Variants in DPP4 observed in about 807,000 individuals in gnomAD.
DPP4 encodes the protein ADCP-2.
Under a neutral mutation model 122.4 loss-of-function variants are expected in DPP4, and 93 were observed. The observed-to-expected ratio is 0.76, with a 90% CI of 0.64 to 0.90. The LOEUF (loss-of-function observed/expected upper bound fraction) is 0.90. Among genes scored for constraint, DPP4 ranks in the 40% least tolerant of loss-of-function variants. The probability of loss-of-function intolerance (pLI) is 0.00; values close to 1 mark genes in which losing one functional copy is unlikely to be tolerated. For synonymous variants in DPP4, 321 were observed against 302.9 expected, an observed-to-expected ratio of 1.06 and a Z score of -0.62; for missense variants, 914 against 907.3, an observed-to-expected ratio of 1.01 and a Z score of -0.09.
In DPP4 at chr2:162,008,500, T is replaced by C. The variant is rs886990518; in HGVS notation, c.1987+62A>G. On this transcript the variant is annotated intron_variant, in intron 22 of 25. Transcript: ENST00000360534. Reference sequence around the variant, plus strand: ...CACTGAAACTCAGAAAGGAATGGCTTTGTTACTGGCATTTTGAGGTCAACA... The same window carrying C: ...CACTGAAACTCAGAAAGGAATGGCTCTGTTACTGGCATTTTGAGGTCAACA... 14 of 1,384,950 alleles carry C rather than the reference T, an allele frequency of 1.0e-5. No individual in the cohort carries two copies. The East Asian group carries it at 3.2e-4, about 32-fold the overall frequency. 85.8% of individuals were successfully genotyped at this position (1,384,950 alleles called of 1,614,324 possible).
chr2:162,070,417 C>T (rs1685077052), intron 2 of DPP4, among the ~76,000 whole-genome samples: 3 of 152,158 alleles, frequency 2.0e-5, no homozygotes, highest in Admixed American at 6.5e-5. Flanking sequence ...CCTCTTAAAT[C>T]AACCTCTCAG....
chr2:162,023,732 A>G (rs1040852307), intron 11 of DPP4, among the ~76,000 whole-genome samples: 1 of 152,120 alleles, frequency 6.6e-6, no homozygotes, highest in African/African-American at 2.4e-5. Flanking sequence ...TATTATGAGG[A>G]TTTCATTGGC....
intron 2 of DPP4, among the ~76,000 whole-genome samples, chr2:162,051,390 T>C (rs926711745): frequency 6.6e-6 from 1 of 152,246 alleles, no homozygotes; most frequent in African/African-American, 2.4e-5. Context: ...CACTCATTCA[T>C]ACTAAACTTT....
At chr2:162,073,017 C>T (rs1192716455) in intron 2 of DPP4, among the ~76,000 whole-genome samples, 1 of 152,070 alleles carries the variant, frequency 6.6e-6, no homozygotes, top group African/African-American at 2.4e-5. Flanking sequence ...TGTCTTTGGG[C>T]TCTTTAAACA....
At chr2:162,013,295 G>A (rs1267992843) in intron 19 of DPP4, among the ~76,000 whole-genome samples, 1 of 152,136 alleles carries the variant, frequency 6.6e-6, no homozygotes. Context: ...TCAAAAGGAT[G>A]CTTTTTTAGC....
chr2:162,024,666 T>C, intron 11 of DPP4, 138 bp downstream of exon 11: 1 of 1,163,832 alleles, frequency 8.6e-7, no homozygotes, highest in Non-Finnish European at 1.2e-6. Context: ...AAGATTTTAT[T>C]GCCTCAGGAT....
At chr2:162,005,357 C>G (rs78401802) in intron 23 of DPP4, among the ~76,000 whole-genome samples, 1 of 151,916 alleles carries the variant, frequency 6.6e-6, no homozygotes, top group African/African-American at 2.4e-5. Context: ...ATTATAGTCT[C>G]GTATATATAT....
Position 162,039,129 on chromosome 2 carries a change from G to A in DPP4, c.419+3C>T. 1.2e-6 allele frequency: 2 copies of A among 1,612,808 alleles called. No homozygotes were observed. The highest frequency in any genetic ancestry group is 1.7e-6 in the Non-Finnish European group (2 of 1,179,176). ...TAATAGATTTTATTGGGAAGTCACT[G>A]ACCTTTTATTTAAATCATAAATGTC... On this transcript the variant is annotated splice_donor_region_variant and intron_variant, in intron 6 of 25. Coordinates refer to ENST00000360534, the MANE Select transcript of DPP4 (RefSeq NM_001935.4).
chr2:162,031,662 A>AG (rs1177858391), intron 10 of DPP4, among the ~76,000 whole-genome samples: 3 of 151,964 alleles, frequency 2.0e-5, no homozygotes, highest in African/African-American at 7.3e-5. Context: ...CACATTCTCC[A>AG]GGGGGTATTT....
intron 17 of DPP4, 70 bp downstream of exon 17, chr2:162,017,038 C>G (rs1324309604): frequency 2.0e-6 from 3 of 1,528,904 alleles, no homozygotes; most frequent in Non-Finnish European, 1.8e-6. Flanking sequence ...TCACACAATG[C>G]TAAGTACATG....
At chr2:161,993,409 A>T in intron 25 of DPP4, 25 bp from the exon 26 acceptor site, 1 of 1,522,244 alleles carries the variant, frequency 6.6e-7, no homozygotes, top group Non-Finnish European at 9.1e-7. Flanking sequence ...AAAAGAAGTT[A>T]GAATTAGGAA....
intron 2 of DPP4, among the ~76,000 whole-genome samples, chr2:162,049,168 C>T (rs937974867): frequency 6.6e-6 from 1 of 152,170 alleles, no homozygotes; most frequent in Non-Finnish European, 1.5e-5. Context: ...TAGCCCTGTC[C>T]CTTGTTAATT....
chr2:161,992,554 T>C lies in DPP4; in HGVS notation c.*729A>G, dbSNP rs1484420279. The C allele has an allele frequency of 1.3e-5, 2 of 152,624 alleles. No homozygotes were observed. The highest frequency in any genetic ancestry group is 4.8e-5 in the African/African-American group (2 of 41,448). The allele number at this position is 152,624 out of a possible 1,614,324, so 9.5% of individuals were successfully genotyped here. ...ATCAGTATTTTTTTTTAAAAGCACATTTACAATGCTTTCCCATCACCCTTG... is the reference window on the plus strand; with the variant it reads ...ATCAGTATTTTTTTTTAAAAGCACACTTACAATGCTTTCCCATCACCCTTG... On this transcript the variant is annotated 3_prime_UTR_variant, in exon 26 of 26. Transcript: ENST00000360534.
intron 10 of DPP4, chr2:162,032,263 T>C (rs1683574038): frequency 6.6e-6 from 1 of 152,232 alleles, no homozygotes; most frequent in Admixed American, 6.5e-5. Flanking sequence ...CTCATTTTCT[T>C]ATCTGTGAAC....
intron 2 of DPP4, among the ~76,000 whole-genome samples, chr2:162,060,046 G>A (rs1684710462): frequency 3.3e-5 from 5 of 152,132 alleles, no homozygotes; most frequent in Admixed American, 3.3e-4. Context: ...TCTGTGATTA[G>A]TATGCACCAA....
intron 25 of DPP4, among the ~76,000 whole-genome samples, chr2:161,993,858 C>T (rs1700926117): frequency 6.6e-6 from 1 of 151,850 alleles, no homozygotes; most frequent in African/African-American, 2.4e-5. Context: ...TTTTTTAAAG[C>T]AATATTGCCT....
chr2:162,036,071 T>C (rs910768975), intron 8 of DPP4, among the ~76,000 whole-genome samples: 2 of 152,172 alleles, frequency 1.3e-5, no homozygotes, highest in African/African-American at 4.8e-5. Flanking sequence ...TTATGGGGTC[T>C]ATACATGAGA....
rs149517088 is a variant in DPP4 at position 162,047,409 on chromosome 2, T to A, written c.187A>T (p.Ile63Phe). ...YRLKLYSLRWISDHEYLYKQE... is the reference protein window; with the variant it reads ...YRLKLYSLRWFSDHEYLYKQE... ...TACCCCAAAAAATTCTTACCTGAAA[T>A]CCATCTTAAGGAGTATAACTTCAGT... is the stretch of plus-strand genomic sequence containing the variant. The change falls in exon 3 of 26, where the codon ATT (isoleucine) becomes TTT (phenylalanine). Residue 63 changes from isoleucine (I) to phenylalanine (F), a missense_variant. Coordinates refer to ENST00000360534, the MANE Select transcript of DPP4 (RefSeq NM_001935.4). The A allele has an allele frequency of 6.5e-7, 1 of 1,528,288 alleles. No individual in the cohort carries two copies. Among genetic ancestry groups the A allele is most frequent in the Admixed American group, 1.7e-5 (1 of 57,246 alleles). The allele number at this position is 1,528,288 out of a possible 1,614,324, so 94.7% of individuals were successfully genotyped here.
chr2:162,071,830 T>C (rs927451688), intron 2 of DPP4, among the ~76,000 whole-genome samples: 4 of 152,186 alleles, frequency 2.6e-5, no homozygotes, highest in Admixed American at 2.6e-4. Context: ...CAGAGTTAAC[T>C]GCAGCAAGCC....
Sources: allele counts gnomAD v4.1 joint callset (sites outside exome capture counted in the v4.1 genomes callset), GRCh38; gene constraint gnomAD v4.1.1; transcripts MANE v1.5; gene names NCBI Gene and HGNC (gene_info 2026-07-23, HGNC 2026-07-21).